Variants in SLC44A5 observed in about 807,000 individuals in gnomAD.
The protein encoded by SLC44A5 is choline transporter-like protein 5.
SLC44A5 carries 57 observed loss-of-function variants against 101.8 expected under a neutral mutation model. The observed-to-expected ratio is 0.56, with a 90% CI of 0.45 to 0.70. The LOEUF (loss-of-function observed/expected upper bound fraction) is 0.70, where lower values mean the gene tolerates loss of function less well. Among genes scored for constraint, SLC44A5 ranks in the 30% least tolerant of loss-of-function variants. The pLI, the probability that SLC44A5 is intolerant of heterozygous loss-of-function variation, is 0.00. For synonymous variants in SLC44A5, 281 were observed against 290.9 expected, an observed-to-expected ratio of 0.97 and a Z score of 0.35; for missense variants, 737 against 853.1, an observed-to-expected ratio of 0.86 and a Z score of 1.70.
chr1:75,250,173 C>T (rs547582275), intron 7 of SLC44A5, among the ~76,000 whole-genome samples: 8 of 152,130 alleles, frequency 5.3e-5, no homozygotes, highest in Non-Finnish European at 1.0e-4. Context: ...TTCTGATAGG[C>T]CCCCATGCCT....
At chr1:75,654,539 G>A in the SLC44A5 span, among the ~76,000 whole-genome samples, 1 of 152,096 alleles carries the variant, frequency 6.6e-6, no homozygotes, top group Non-Finnish European at 1.5e-5. Flanking sequence ...TGATAAAAGG[G>A]TCATTAAGGT....
chr1:75,203,521 T>C lies in SLC44A5; in HGVS notation c.*206A>G. 2.4e-6 allele frequency: 1 copy of C among 408,996 alleles called. No homozygotes were observed. The highest frequency in any genetic ancestry group is 4.2e-6 in the Non-Finnish European group (1 of 237,648). The allele number at this position is 408,996 out of a possible 1,614,324, so 25.3% of individuals were successfully genotyped here. A position where few individuals can be genotyped will look rare whatever the true frequency, so the allele number is the denominator to read the frequency against. On this transcript the variant is annotated 3_prime_UTR_variant, in exon 24 of 24. Coordinates refer to ENST00000370859, the MANE Select transcript of SLC44A5 (RefSeq NM_001130058.2). ...AAAACAAATGATCTTAGTATAAAAA[T>C]GTTTTATGTTATTAACAATTCCCTT...
In SLC44A5 at chr1:75,300,528, C is replaced by T. The variant is rs199513827; in HGVS notation, c.175+84G>A. The T allele has an allele frequency of 5.3e-5, 47 of 891,318 alleles. 1 individual carries two copies. The East Asian group carries it at 1.3e-3, about 24-fold the overall frequency. The allele number at this position is 891,318 out of a possible 1,614,324, so 55.2% of individuals were successfully genotyped here. ...CAATAATAGGAAGGCTTTTGGAAGA[C>T]AATAATTAATTTTTTATATGTGACA... On this transcript the variant is annotated intron_variant, in intron 5 of 23. Coordinates refer to ENST00000370859, the MANE Select transcript of SLC44A5 (RefSeq NM_001130058.2).
At chr1:75,458,848 G>A (rs1207552166) in intron 2 of SLC44A5, among the ~76,000 whole-genome samples, 3 of 152,092 alleles carry the variant, frequency 2.0e-5, no homozygotes, top group African/African-American at 7.2e-5. Context: ...ATAAACATAT[G>A]AAGAATTAAT....
At chr1:75,566,201 A>G (rs946016153) in intron 1 of SLC44A5, among the ~76,000 whole-genome samples, 3 of 152,214 alleles carry the variant, frequency 2.0e-5, no homozygotes, top group South Asian at 2.1e-4. Context: ...AATTAAAAAG[A>G]AGACAAATTA....
chr1:75,709,205 T>C, the SLC44A5 span, among the ~76,000 whole-genome samples: 6 of 152,226 alleles, frequency 3.9e-5, no homozygotes, highest in African/African-American at 1.4e-4. Context: ...CTTTAGCCTA[T>C]AACCAAATGT....
At chr1:75,493,016 G>T (rs1038287994) in intron 2 of SLC44A5, among the ~76,000 whole-genome samples, 7 of 152,166 alleles carry the variant, frequency 4.6e-5, no homozygotes, top group African/African-American at 1.7e-4. Context: ...TAAAATCCTA[G>T]AAGTGACAAA....
At chr1:75,296,176 A>T (rs1445702529) in intron 5 of SLC44A5, among the ~76,000 whole-genome samples, 2 of 152,028 alleles carry the variant, frequency 1.3e-5, no homozygotes, top group Non-Finnish European at 2.9e-5. Context: ...TCTATAAATT[A>T]TCTGCATGTC....
At chr1:75,457,477 CAG>C (rs1326643534) in intron 2 of SLC44A5, among the ~76,000 whole-genome samples, 1 of 152,142 alleles carries the variant, frequency 6.6e-6, no homozygotes, top group Non-Finnish European at 1.5e-5. Context: ...CACAGAGAAA[CAG>C]GGGAAAAAGT....
the SLC44A5 span, among the ~76,000 whole-genome samples, chr1:75,688,387 C>T: frequency 1.2e-4 from 19 of 152,176 alleles, no homozygotes. Context: ...CACAAAAGCT[C>T]AGTATACTTT....
intron 4 of SLC44A5, among the ~76,000 whole-genome samples, chr1:75,329,200 G>A (rs1364800660): frequency 3.3e-5 from 5 of 152,138 alleles, no homozygotes; most frequent in Non-Finnish European, 7.3e-5. Flanking sequence ...CTGGATAGCT[G>A]AGGCTTTGTT....
upstream of SLC44A5, chr1:75,611,170 T>G: frequency 3.9e-5 from 32 of 818,550 alleles, no homozygotes; most frequent in East Asian, 1.2e-4. Flanking sequence ...CTAAGGGCCA[T>G]ACCCCATTCT....
At chr1:75,700,696 C>CA in the SLC44A5 span, among the ~76,000 whole-genome samples, 4 of 152,104 alleles carry the variant, frequency 2.6e-5, no homozygotes, top group South Asian at 4.2e-4. Context: ...AAAAACCCTT[C>CA]AAAAAATCAA....
intron 2 of SLC44A5, among the ~76,000 whole-genome samples, chr1:75,467,113 G>A (rs1372461544): frequency 6.6e-6 from 1 of 151,830 alleles, no homozygotes; most frequent in Non-Finnish European, 1.5e-5. Context: ...AAATACCTAG[G>A]AATGAACTAA....
chr1:75,658,231 AC>A, the SLC44A5 span, among the ~76,000 whole-genome samples: 1 of 151,398 alleles, frequency 6.6e-6, no homozygotes, highest in African/African-American at 2.4e-5. Flanking sequence ...ATGCCACTAT[AC>A]CTGGCTAATT....
rs192625046 is a variant in SLC44A5 at position 75,365,761 on chromosome 1, G to T, written c.53-26131C>A. 1.5e-3 allele frequency among the ~76,000 whole-genome samples: 235 copies of T among 152,236 alleles called. 1 individual carries two copies. The highest frequency in any genetic ancestry group is 5.3e-3 in the African/African-American group (220 of 41,548). Reference sequence around the variant, plus strand: ...TGTAGTTTGTTAATATTTTCTAGCAGTATACTTTGTTCTGTTCTCATTCTA... The same window carrying T: ...TGTAGTTTGTTAATATTTTCTAGCATTATACTTTGTTCTGTTCTCATTCTA... On this transcript the variant is annotated intron_variant, in intron 3 of 23. Transcript: ENST00000370859.
At chr1:75,209,154 C>G (rs1323666598) in intron 23 of SLC44A5, among the ~76,000 whole-genome samples, 1 of 152,144 alleles carries the variant, frequency 6.6e-6, no homozygotes, top group Non-Finnish European at 1.5e-5. Context: ...AGCTGATGTA[C>G]CTGGCTTTCA....
At chr1:75,415,634 C>G (rs1663593934) in intron 2 of SLC44A5, among the ~76,000 whole-genome samples, 1 of 152,146 alleles carries the variant, frequency 6.6e-6, no homozygotes, top group Admixed American at 6.5e-5. Flanking sequence ...TCAGAGGAAG[C>G]AGGAAAATGT....
At chr1:75,713,938 G>A in the SLC44A5 span, among the ~76,000 whole-genome samples, 24 of 152,134 alleles carry the variant, frequency 1.6e-4, no homozygotes, top group African/African-American at 3.6e-4. Flanking sequence ...AAGTAGCTGC[G>A]TGTACAGGTG....
Sources: gnomAD v4.1 joint callset for allele counts (sites outside exome capture counted in the v4.1 genomes callset) on GRCh38, gnomAD v4.1.1 for gene constraint, MANE v1.5 for transcripts, NCBI Gene and HGNC (gene_info 2026-07-23, HGNC 2026-07-21) for gene names.